The following GRM7 variants were observed in gnomAD, a reference collection of about 807,000 sequenced individuals.
The protein encoded by GRM7 is glutamate metabotropic receptor 7, also known as metabotropic glutamate receptor 7.
A neutral mutation model predicts 84.5 loss-of-function variants in GRM7; 35 were observed. The observed-to-expected ratio is 0.41, with a 90% confidence interval of 0.32 to 0.55. The LOEUF (loss-of-function observed/expected upper bound fraction) is 0.55, where lower values mean the gene tolerates loss of function less well. Among genes scored for constraint, GRM7 ranks in the 20% least tolerant of loss-of-function variants. The pLI is 0.19. For synonymous variants in GRM7, 487 were observed against 455.1 expected (o/e 1.07, Z -0.89); for missense variants, 1,003 against 1,194.6 (o/e 0.84, Z 2.36).
At chr3:6,866,038 T>C (rs1694927527) in intron 1 of GRM7, among the ~76,000 whole-genome samples, 1 of 152,170 alleles carries the variant, frequency 6.6e-6, no homozygotes, top group African/African-American at 2.4e-5. Flanking sequence ...CATGCACATA[T>C]TATATTTGAA....
intron 2 of GRM7, among the ~76,000 whole-genome samples, chr3:7,260,759 G>A (rs111549306): frequency 5.4e-5 from 8 of 148,576 alleles, no homozygotes; most frequent in African/African-American, 1.7e-4. Flanking sequence ...TCTTCTGTTA[G>A]CTTTGCAATT....
Position 6,904,128 on chromosome 3 carries a change from C to T in GRM7, c.519+42221C>T, listed in dbSNP as rs984646404. 5.9e-5 allele frequency among the ~76,000 whole-genome samples: 9 copies of T among 152,152 alleles called. No homozygotes were observed. In the East Asian group the frequency reaches 1.7e-3, roughly 29 times the overall value. On this transcript the variant is annotated intron_variant, in intron 1 of 9. Coordinates refer to ENST00000357716, the MANE Select transcript of GRM7 (RefSeq NM_000844.4). The stretch of plus-strand genomic sequence containing the variant: ...TCTATAATTTTAATGTAGCCAAATT[C>T]ATCCATTTTGCTTATACAATATATG...
At chr3:7,242,354 A>T (rs976382905) in intron 2 of GRM7, among the ~76,000 whole-genome samples, 1 of 152,188 alleles carries the variant, frequency 6.6e-6, no homozygotes, top group African/African-American at 2.4e-5. Context: ...TCAGAAAATG[A>T]TCATATTTGG....
At chr3:7,404,390 C>T (rs1046262149) in intron 4 of GRM7, among the ~76,000 whole-genome samples, 2 of 152,126 alleles carry the variant, frequency 1.3e-5, no homozygotes, top group East Asian at 3.9e-4. Flanking sequence ...CATGGTCTTC[C>T]CCAGCTAGTT....
At position 7,172,017 on chromosome 3, in the gene GRM7, C is replaced by T. The variant is rs17046938; in HGVS notation, c.736+25349C>T. On this transcript the variant is annotated intron_variant, in intron 2 of 9. Transcript: ENST00000357716. ...TAATCTCGCTAGAAATATGTGTGTC[C>T]GTCAGCGCTTATGTGGGAAAGGGAC... is the stretch of plus-strand genomic sequence containing the variant. 3.3e-3 allele frequency among the ~76,000 whole-genome samples: 500 copies of T among 152,252 alleles called. 1 individual carries two copies. Among genetic ancestry groups the T allele is most frequent in the African/African-American group, 0.011 (468 of 41,540 alleles).
intron 2 of GRM7, among the ~76,000 whole-genome samples, chr3:7,153,785 A>G (rs931502846): frequency 5.3e-5 from 8 of 151,816 alleles, no homozygotes; most frequent in Non-Finnish European, 7.4e-5. Context: ...GGTAATAATG[A>G]TAAATAATAA....
At chr3:7,085,115 G>A (rs1421182618) in intron 1 of GRM7, among the ~76,000 whole-genome samples, 3 of 152,160 alleles carry the variant, frequency 2.0e-5, no homozygotes, top group Non-Finnish European at 2.9e-5. Flanking sequence ...TTTAATGGCA[G>A]TGGTACCAAG....
At chr3:7,199,552 G>T (rs1449900133) in intron 2 of GRM7, among the ~76,000 whole-genome samples, 1 of 152,194 alleles carries the variant, frequency 6.6e-6, no homozygotes, top group Non-Finnish European at 1.5e-5. Flanking sequence ...TATGGAGGAT[G>T]AACAGATTTT....
At chr3:7,403,850 T>C (rs1575284861) in intron 4 of GRM7, among the ~76,000 whole-genome samples, 1 of 151,690 alleles carries the variant, frequency 6.6e-6, no homozygotes, top group Non-Finnish European at 1.5e-5. Context: ...GATAGATAGA[T>C]AGATAGATAT....
intron 2 of GRM7, among the ~76,000 whole-genome samples, chr3:7,152,521 G>A (rs891747887): frequency 2.2e-4 from 34 of 152,066 alleles, no homozygotes; most frequent in African/African-American, 7.7e-4. Context: ...TTTACCTTGA[G>A]CCCCCATACA....
chr3:7,550,571 CTCTCTCTGTGTGTGTGTG>C lies in GRM7; in HGVS notation c.1516-27849_1516-27832del, dbSNP rs1428693862. On this transcript the variant is annotated intron_variant, in intron 7 of 9. Coordinates refer to ENST00000357716, the MANE Select transcript of GRM7 (RefSeq NM_000844.4). ...CTTCTCTCTCTCTCTCTCTCTCTCT[CTCTCTCTGTGTGTGTGTG>C]TGTGTGTGTGTGTGTGTGTGTGTGT... is the stretch of plus-strand genomic sequence containing the variant. Among the ~76,000 whole-genome samples, 229 of 87,212 alleles carry C rather than the reference CTCTCTCTGTGTGTGTGTG, an allele frequency of 2.6e-3. 1 individual carries two copies. Among genetic ancestry groups the C allele is most frequent in the South Asian group, 0.013 (27 of 2,066 alleles). 57.2% of individuals were successfully genotyped at this position (87,212 alleles called of 152,430 possible).
chr3:7,164,641 C>A (rs1694742967), intron 2 of GRM7, among the ~76,000 whole-genome samples: 1 of 152,108 alleles, frequency 6.6e-6, no homozygotes, highest in African/African-American at 2.4e-5. Flanking sequence ...AAAAATCAGA[C>A]AATATTTTCT....
chr3:6,988,926 A>G (rs1694529831), intron 1 of GRM7, among the ~76,000 whole-genome samples: 1 of 152,216 alleles, frequency 6.6e-6, no homozygotes, highest in African/African-American at 2.4e-5. Flanking sequence ...ATTTGTGAGA[A>G]ATTAATCGGT....
At chr3:7,440,395 G>A (rs1697237772) in intron 5 of GRM7, among the ~76,000 whole-genome samples, 1 of 152,072 alleles carries the variant, frequency 6.6e-6, no homozygotes, top group Admixed American at 6.6e-5. Flanking sequence ...GTTTCTCTTT[G>A]GGGATGACTA....
At chr3:7,337,974 A>G (rs1422727305) in intron 4 of GRM7, among the ~76,000 whole-genome samples, 4 of 152,042 alleles carry the variant, frequency 2.6e-5, no homozygotes, top group Admixed American at 2.6e-4. Context: ...AGCAAAATTC[A>G]TAATTGTAAA....
intron 2 of GRM7, among the ~76,000 whole-genome samples, chr3:7,156,939 C>T (rs373419773): frequency 2.7e-5 from 4 of 150,486 alleles, no homozygotes; most frequent in Non-Finnish European, 2.9e-5. Flanking sequence ...GATAGACCAA[C>T]GTGGGATACT....
intron 9 of GRM7, among the ~76,000 whole-genome samples, chr3:7,693,207 C>G (rs75028256): frequency 0.012 from 1,804 of 152,160 alleles, 38 homozygotes; most frequent in African/African-American, 0.042. Flanking sequence ...AGAGTTCAAA[C>G]GATGAGTCTT....
chr3:7,257,026 GGGGGTTATATAT>G (rs1475994482), intron 2 of GRM7, among the ~76,000 whole-genome samples: 1 of 152,192 alleles, frequency 6.6e-6, no homozygotes, highest in Non-Finnish European at 1.5e-5. Context: ...AAGTGAAAGT[GGGGGTTATATAT>G]GGGATTTTCC....
chr3:7,645,529 A>G (rs1698587834), intron 8 of GRM7, among the ~76,000 whole-genome samples: 1 of 140,978 alleles, frequency 7.1e-6, no homozygotes, highest in African/African-American at 2.7e-5. Context: ...CCTGGGTGAC[A>G]GAGCAAGACT....
Sources: gnomAD v4.1 joint callset for allele counts (sites outside exome capture counted in the v4.1 genomes callset) on GRCh38, gnomAD v4.1.1 for gene constraint, MANE v1.5 for transcripts, NCBI Gene and HGNC (gene_info 2026-07-23, HGNC 2026-07-21) for gene names.